IQCM: variants seen among roughly 807,000 people sequenced by gnomAD.
IQCM encodes IQ motif containing M, also known as IQ domain-containing protein M.
A neutral mutation model predicts 57.6 loss-of-function variants in IQCM; 45 were observed. That is an observed-to-expected ratio of 0.78 (90% confidence interval 0.62 to 1.00). The LOEUF (loss-of-function observed/expected upper bound fraction) is 1.00. Ranked by LOEUF, IQCM falls within the 50% of genes least tolerant of loss-of-function variation. The probability of loss-of-function intolerance (pLI) is 0.00; values close to 1 mark genes in which losing one functional copy is unlikely to be tolerated. For missense variants in IQCM, 468 were observed against 511.6 expected (o/e 0.91, Z 0.82); for synonymous variants, 148 against 158.9 (o/e 0.93, Z 0.51).
intron 13 of IQCM, among the ~76,000 whole-genome samples, chr4:149,360,644 T>A (rs1422477005): frequency 5.9e-5 from 9 of 152,106 alleles, no homozygotes; most frequent in Non-Finnish European, 1.0e-4. Context: ...ATCTGATAGG[T>A]TTATCAGGGG....
At chr4:149,669,282 C>T (rs974795386) in intron 7 of IQCM, among the ~76,000 whole-genome samples, 4 of 152,186 alleles carry the variant, frequency 2.6e-5, no homozygotes, top group East Asian at 3.9e-4. Context: ...TGTCCTCTTT[C>T]GAGAAGTGTC....
intron 13 of IQCM, among the ~76,000 whole-genome samples, chr4:149,379,365 G>A (rs1730919989): frequency 6.6e-6 from 1 of 152,126 alleles, no homozygotes; most frequent in Admixed American, 6.5e-5. Context: ...GACCCTCCAT[G>A]CCAGCCCATG....
intron 12 of IQCM, among the ~76,000 whole-genome samples, chr4:149,439,371 T>C (rs756924305): frequency 6.6e-6 from 1 of 152,238 alleles, no homozygotes; most frequent in East Asian, 1.9e-4. Context: ...AAGTATTTGA[T>C]ATAGGAAGCT....
intron 2 of IQCM, among the ~76,000 whole-genome samples, chr4:149,763,848 CT>C (rs551695129): frequency 8.8e-5 from 13 of 148,414 alleles, no homozygotes; most frequent in East Asian, 3.9e-4. Flanking sequence ...GAACAGGGAA[CT>C]TTTTTTTTTA....
intron 7 of IQCM, among the ~76,000 whole-genome samples, chr4:149,621,469 GT>G (rs1756330345): frequency 6.6e-6 from 1 of 152,086 alleles, no homozygotes; most frequent in African/African-American, 2.4e-5. Context: ...AGGTTCTCGT[GT>G]TTTTATTGCA....
chr4:149,803,049 A>G (rs1773747952), intron 2 of IQCM, among the ~76,000 whole-genome samples: 1 of 152,010 alleles, frequency 6.6e-6, no homozygotes, highest in Non-Finnish European at 1.5e-5. Flanking sequence ...TGATCCTCAG[A>G]CAGATGCAGT....
intron 2 of IQCM, among the ~76,000 whole-genome samples, chr4:149,810,927 C>G (rs1378391887): frequency 1.3e-5 from 2 of 152,078 alleles, no homozygotes; most frequent in Non-Finnish European, 2.9e-5. Flanking sequence ...AACATATCTG[C>G]CAATTAAACA....
At chr4:149,455,448 G>A (rs1253487799) in intron 12 of IQCM, among the ~76,000 whole-genome samples, 2 of 152,036 alleles carry the variant, frequency 1.3e-5, no homozygotes, top group Non-Finnish European at 2.9e-5. Flanking sequence ...GACTGTTCAT[G>A]TATTTACGAC....
chr4:149,630,461 G>A (rs950567419), intron 7 of IQCM, among the ~76,000 whole-genome samples: 1 of 152,106 alleles, frequency 6.6e-6, no homozygotes, highest in African/African-American at 2.4e-5. Context: ...GAGGTCCTGG[G>A]GAAAAGTGGA....
At chr4:149,743,182 T>C (rs747985327) in intron 2 of IQCM, among the ~76,000 whole-genome samples, 4 of 152,188 alleles carry the variant, frequency 2.6e-5, no homozygotes, top group African/African-American at 4.8e-5. Flanking sequence ...ATCCAGTTAA[T>C]ACCTGGCACA....
chr4:149,742,302 C>T (rs947576501), intron 3 of IQCM, among the ~76,000 whole-genome samples: 7 of 151,934 alleles, frequency 4.6e-5, no homozygotes, highest in Non-Finnish European at 1.0e-4. Flanking sequence ...GATTTATATG[C>T]CCAAATTTGT....
chr4:149,776,765 A>T (rs1279122997), intron 2 of IQCM, among the ~76,000 whole-genome samples: 1 of 152,186 alleles, frequency 6.6e-6, no homozygotes, highest in Non-Finnish European at 1.5e-5. Context: ...TTTAAGTTGT[A>T]ACAAATGAAG....
chr4:149,605,703 G>C (rs1338389829), intron 8 of IQCM, among the ~76,000 whole-genome samples: 2 of 152,108 alleles, frequency 1.3e-5, no homozygotes, highest in Non-Finnish European at 2.9e-5. Context: ...TGCTACACTG[G>C]TCTTGGAGGC....
intron 13 of IQCM, among the ~76,000 whole-genome samples, chr4:149,416,540 C>G (rs1036806067): frequency 6.6e-6 from 1 of 151,984 alleles, no homozygotes; most frequent in African/African-American, 2.4e-5. Context: ...CCACCCCAGA[C>G]CTTATTAGTC....
chr4:149,587,438 A>C (rs779337133), intron 9 of IQCM, among the ~76,000 whole-genome samples: 90 of 151,838 alleles, frequency 5.9e-4, no homozygotes, highest in Admixed American at 2.0e-3. Context: ...TCACGCTCTA[A>C]TCTCTCTCAC....
intron 12 of IQCM, among the ~76,000 whole-genome samples, chr4:149,541,655 C>T (rs190985200): frequency 3.3e-5 from 5 of 151,978 alleles, no homozygotes; most frequent in Admixed American, 3.3e-4. Flanking sequence ...CTTTTAAGAT[C>T]GGCCTACAAA....
rs529897915 is a variant in IQCM at position 149,798,945 on chromosome 4, G to T, written c.-49+16366C>A. On this transcript the variant is annotated intron_variant, in intron 2 of 13. Transcript: ENST00000636793. ...ACTATCCACACAGGAAATCAAAAAG[G>T]AAACATTGGACTTAATTTGCACTAT... Among the ~76,000 whole-genome samples the T allele has an allele frequency of 2.6e-5, 4 of 151,902 alleles. No individual in the cohort carries two copies. In the South Asian group the frequency reaches 8.3e-4, roughly 31 times the overall value.
At chr4:149,616,212 G>A (rs113515901) in intron 8 of IQCM, among the ~76,000 whole-genome samples, 6 of 152,176 alleles carry the variant, frequency 3.9e-5, no homozygotes, top group African/African-American at 1.4e-4. Context: ...TCCATTGATG[G>A]GAGAATGGAT....
chr4:149,488,110 TTTTA>T (rs1458018398), intron 12 of IQCM, among the ~76,000 whole-genome samples: 32 of 152,270 alleles, frequency 2.1e-4, no homozygotes, highest in Admixed American at 1.8e-3. Flanking sequence ...TATCATGATA[TTTTA>T]TTTGTTTACC....
Sources: allele counts gnomAD v4.1 joint callset (sites outside exome capture counted in the v4.1 genomes callset), GRCh38; gene constraint gnomAD v4.1.1; transcripts MANE v1.5; gene names NCBI Gene and HGNC (gene_info 2026-07-23, HGNC 2026-07-21).